Variants in MOB3B observed in about 807,000 individuals in gnomAD.
MOB3B encodes MOB kinase activator 3B, also known as MOB kinase activator-like 2B.
In MOB3B, 7 loss-of-function variants were observed where a neutral mutation model predicts 18.7. That is an observed-to-expected ratio of 0.37 (90% CI 0.21 to 0.70). The LOEUF (loss-of-function observed/expected upper bound fraction) is 0.70, where lower values mean the gene tolerates loss of function less well. Ranked by LOEUF, MOB3B falls within the 30% of genes least tolerant of loss-of-function variation. MOB3B has a pLI of 0.52. For synonymous variants in MOB3B, 111 were observed against 99.9 expected (o/e 1.11, Z -0.66); for missense variants, 253 against 281.3 (o/e 0.90, Z 0.72).
chr9:27,339,357 T>C (rs1820908995), intron 3 of MOB3B, among the ~76,000 whole-genome samples: 2 of 152,200 alleles, frequency 1.3e-5, no homozygotes, highest in African/African-American at 4.8e-5. Flanking sequence ...CCCAAATTTA[T>C]TTTGGAACTA....
intron 1 of MOB3B, among the ~76,000 whole-genome samples, chr9:27,464,173 C>T (rs948865416): frequency 5.3e-5 from 8 of 151,320 alleles, no homozygotes; most frequent in Admixed American, 1.3e-4. Flanking sequence ...TGATTCAGTT[C>T]AATGCAAATG....
chr9:27,511,710 G>A (rs1475656813), intron 1 of MOB3B, among the ~76,000 whole-genome samples: 2 of 152,104 alleles, frequency 1.3e-5, no homozygotes, highest in Non-Finnish European at 2.9e-5. Flanking sequence ...CTAGAAAGCT[G>A]CCTATGGCTG....
intron 1 of MOB3B, among the ~76,000 whole-genome samples, chr9:27,464,227 G>GA (rs1403435863): frequency 6.6e-6 from 1 of 152,060 alleles, no homozygotes; most frequent in Admixed American, 6.5e-5. Flanking sequence ...TAGGGGTGGG[G>GA]GGCACGGTGG....
intron 2 of MOB3B, among the ~76,000 whole-genome samples, chr9:27,379,280 C>G (rs2131373030): frequency 6.6e-6 from 1 of 152,240 alleles, no homozygotes; most frequent in South Asian, 2.1e-4. Flanking sequence ...TTTTAAAGCA[C>G]CCTTGGGGAT....
At chr9:27,495,273 G>A (rs916156356) in intron 1 of MOB3B, among the ~76,000 whole-genome samples, 23 of 152,134 alleles carry the variant, frequency 1.5e-4, no homozygotes, top group Non-Finnish European at 2.9e-5. Flanking sequence ...CAAGGCTGCA[G>A]TAAGCCATGA....
intron 2 of MOB3B, among the ~76,000 whole-genome samples, chr9:27,422,907 C>T (rs772106256): frequency 5.3e-5 from 8 of 152,114 alleles, no homozygotes; most frequent in Non-Finnish European, 1.0e-4. Context: ...GAATATGTAT[C>T]TGGTATATCT....
chr9:27,402,036 C>A (rs1821893298), intron 2 of MOB3B, among the ~76,000 whole-genome samples: 3 of 152,212 alleles, frequency 2.0e-5, no homozygotes. Context: ...CCATTTAGCA[C>A]TTGTGACCAA....
chr9:27,435,875 A>G (rs1307328096), intron 2 of MOB3B, among the ~76,000 whole-genome samples: 1 of 152,190 alleles, frequency 6.6e-6, no homozygotes, highest in Non-Finnish European at 1.5e-5. Flanking sequence ...TGCTGGGATT[A>G]AAGGTGTGAG....
At chr9:27,518,933 T>C (rs903721696) in intron 1 of MOB3B, among the ~76,000 whole-genome samples, 2 of 152,208 alleles carry the variant, frequency 1.3e-5, no homozygotes, top group Non-Finnish European at 2.9e-5. Context: ...ATTTTTCTTC[T>C]GGAGGGGAAG....
Position 27,327,747 on chromosome 9 carries a change from T to C in MOB3B, c.*2840A>G, listed in dbSNP as rs573924168. Reference sequence around the variant, plus strand: ...ATATTTTGGGGACAACTGGAGAATTTTGAATATGGATCATATATTAGATTT... The same window carrying C: ...ATATTTTGGGGACAACTGGAGAATTCTGAATATGGATCATATATTAGATTT... On this transcript the variant is annotated 3_prime_UTR_variant, in exon 4 of 4. Transcript: ENST00000262244. 1 of 152,324 alleles carries C rather than the reference T, an allele frequency of 6.6e-6. No individual in the cohort carries two copies. Among genetic ancestry groups the C allele is most frequent in the East Asian group, 1.9e-4 (1 of 5,186 alleles). 9.4% of individuals were successfully genotyped at this position (152,324 alleles called of 1,614,324 possible). A position where few individuals can be genotyped will look rare whatever the true frequency, so the allele number is the denominator to read the frequency against.
At chr9:27,348,829 C>T (rs1377205388) in intron 3 of MOB3B, among the ~76,000 whole-genome samples, 1 of 152,142 alleles carries the variant, frequency 6.6e-6, no homozygotes, top group Non-Finnish European at 1.5e-5. Context: ...TCTCTGATAT[C>T]AGGGCATTCT....
chr9:27,451,077 G>A (rs546889020), intron 2 of MOB3B, among the ~76,000 whole-genome samples: 2 of 152,212 alleles, frequency 1.3e-5, no homozygotes, highest in South Asian at 4.1e-4. Context: ...ATGAGTTGGA[G>A]GACCTCTAAG....
chr9:27,418,091 C>CAAAAAAAAAAAAAAAAAAAAAAAAAAAAA (rs57850999), intron 2 of MOB3B, among the ~76,000 whole-genome samples: 2 of 44,062 alleles, frequency 4.5e-5, no homozygotes, highest in African/African-American at 1.4e-4. Context: ...GACTCCACCT[C>CAAAAAAAAAAAAAAAAAAAAAAAAAAAAA]AAAAAAAAAA....
chr9:27,470,645 A>C (rs1241613215), intron 1 of MOB3B, among the ~76,000 whole-genome samples: 3 of 152,036 alleles, frequency 2.0e-5, no homozygotes, highest in Non-Finnish European at 4.4e-5. Context: ...CCCATCTATA[A>C]TCAGGGCCCA....
chr9:27,528,092 C>G (rs1376078312), intron 1 of MOB3B, among the ~76,000 whole-genome samples: 1 of 152,186 alleles, frequency 6.6e-6, no homozygotes, highest in Non-Finnish European at 1.5e-5. Context: ...AAACTTGGAG[C>G]GGTACTCAAA....
chr9:27,442,420 C>T (rs749457722), intron 2 of MOB3B, among the ~76,000 whole-genome samples: 9 of 152,224 alleles, frequency 5.9e-5, no homozygotes, highest in Non-Finnish European at 1.0e-4. Context: ...TCTGTTTTCT[C>T]CATAAGCCAG....
At chr9:27,523,709 T>G (rs112419627) in intron 1 of MOB3B, among the ~76,000 whole-genome samples, 5 of 152,310 alleles carry the variant, frequency 3.3e-5, no homozygotes, top group African/African-American at 1.2e-4. Context: ...GCCAGCTCTA[T>G]TCTTCATCTT....
intron 3 of MOB3B, among the ~76,000 whole-genome samples, chr9:27,349,887 G>A (rs1161524318): frequency 6.6e-6 from 1 of 152,228 alleles, no homozygotes; most frequent in Non-Finnish European, 1.5e-5. Context: ...TGGAGACAAT[G>A]TGAACACATC....
At chr9:27,479,042 T>C (rs1405713837) in intron 1 of MOB3B, among the ~76,000 whole-genome samples, 1 of 152,192 alleles carries the variant, frequency 6.6e-6, no homozygotes, top group Non-Finnish European at 1.5e-5. Context: ...TAATATTCTA[T>C]ACCTAATTAA....
Sources: gnomAD v4.1 joint callset for allele counts (sites outside exome capture counted in the v4.1 genomes callset) on GRCh38, gnomAD v4.1.1 for gene constraint, MANE v1.5 for transcripts, NCBI Gene and HGNC (gene_info 2026-07-23, HGNC 2026-07-21) for gene names.